ZNF804B: variants seen among roughly 807,000 people sequenced by gnomAD.
The protein encoded by ZNF804B is zinc finger 804B.
A neutral mutation model predicts 101.4 loss-of-function variants in ZNF804B; 80 were observed. The ratio of observed to expected loss-of-function variants is 0.79; its 90% CI spans 0.66 to 0.95. The LOEUF is 0.95. ZNF804B is among the 40% of genes least tolerant of loss of function. The pLI is 0.00. For synonymous variants in ZNF804B, 622 were observed against 558.8 expected, an observed-to-expected ratio of 1.11 and a Z score of -1.59; for missense variants, 1,673 against 1,561.9, an observed-to-expected ratio of 1.07 and a Z score of -1.20.
chr7:88,854,367 C>T (rs1408293589), intron 1 of ZNF804B, among the ~76,000 whole-genome samples: 1 of 151,408 alleles, frequency 6.6e-6, no homozygotes, highest in Non-Finnish European at 1.5e-5. Context: ...TTAAGTACTG[C>T]ATTTTTCTTT....
chr7:89,189,430 G>A (rs114820364), intron 1 of ZNF804B, among the ~76,000 whole-genome samples: 1,633 of 152,172 alleles, frequency 0.011, 29 homozygotes, highest in African/African-American at 0.037. Context: ...GCAGCTGCTC[G>A]GAAGCCTCGA....
chr7:89,197,018 T>C lies in ZNF804B; in HGVS notation c.109-21137T>C, dbSNP rs193143960. On this transcript the variant is annotated intron_variant, in intron 1 of 3. Coordinates refer to ENST00000333190, the MANE Select transcript of ZNF804B (RefSeq NM_181646.5). ...AATAGGAATGCTTTTACACTGTTGG[T>C]GGGAGTGTAAATTAGTTCAACCATT... Among the ~76,000 whole-genome samples the C allele has an allele frequency of 5.4e-3, 774 of 143,330 alleles. 7 individuals carry two copies. The highest frequency in any genetic ancestry group is 0.018 in the African/African-American group (750 of 40,806). The allele number at this position is 143,330 out of a possible 152,430, so 94.0% of individuals were successfully genotyped here.
intron 1 of ZNF804B, among the ~76,000 whole-genome samples, chr7:89,048,073 C>T (rs1054001159): frequency 3.3e-5 from 5 of 151,996 alleles, no homozygotes; most frequent in African/African-American, 1.2e-4. Context: ...GCACACTATT[C>T]GTAGTCTTTT....
intron 1 of ZNF804B, among the ~76,000 whole-genome samples, chr7:89,039,669 G>A (rs934651065): frequency 2.0e-5 from 3 of 150,862 alleles, no homozygotes; most frequent in South Asian, 2.1e-4. Context: ...TTTCTTGTAG[G>A]CACTATCTAG....
At chr7:89,034,315 C>A (rs766257708) in intron 1 of ZNF804B, among the ~76,000 whole-genome samples, 16 of 151,780 alleles carry the variant, frequency 1.1e-4, no homozygotes, top group Non-Finnish European at 2.2e-4. Context: ...ACAGAATGTG[C>A]AGGTTTGTTA....
chr7:89,199,606 C>T (rs1174723938), intron 1 of ZNF804B, among the ~76,000 whole-genome samples: 3 of 151,764 alleles, frequency 2.0e-5, no homozygotes, highest in East Asian at 1.9e-4. Flanking sequence ...TGCTGAGTGC[C>T]CCACACCCAT....
intron 1 of ZNF804B, among the ~76,000 whole-genome samples, chr7:88,957,323 T>C (rs1793325302): frequency 6.6e-6 from 1 of 151,460 alleles, no homozygotes; most frequent in African/African-American, 2.4e-5. Context: ...TGACAACCAT[T>C]GCATTATGAT....
chr7:88,770,605 A>G (rs1455297686), intron 1 of ZNF804B, among the ~76,000 whole-genome samples: 1 of 152,128 alleles, frequency 6.6e-6, no homozygotes, highest in Non-Finnish European at 1.5e-5. Flanking sequence ...ACATGGATGA[A>G]TATTTCCAAT....
At chr7:89,236,673 G>A (rs1789286560) in intron 2 of ZNF804B, among the ~76,000 whole-genome samples, 1 of 152,028 alleles carries the variant, frequency 6.6e-6, no homozygotes, top group African/African-American at 2.4e-5. Context: ...ATGTTTGAGA[G>A]AATAAATTGA....
chr7:88,921,582 A>G (rs1792719722), intron 1 of ZNF804B, among the ~76,000 whole-genome samples: 1 of 152,234 alleles, frequency 6.6e-6, no homozygotes, highest in South Asian at 2.1e-4. Flanking sequence ...CAGAAATCCT[A>G]AACCATGGAC....
intron 1 of ZNF804B, among the ~76,000 whole-genome samples, chr7:88,859,865 A>C (rs1176305041): frequency 6.6e-6 from 1 of 151,948 alleles, no homozygotes; most frequent in Non-Finnish European, 1.5e-5. Flanking sequence ...CAAAAGGATA[A>C]TTCCTGAAAT....
At chr7:88,838,999 C>A (rs1468470521) in intron 1 of ZNF804B, among the ~76,000 whole-genome samples, 1 of 152,022 alleles carries the variant, frequency 6.6e-6, no homozygotes, top group Non-Finnish European at 1.5e-5. Context: ...AGACCTCATA[C>A]AATTACGGTT....
At chr7:89,035,881 T>C (rs1046976293) in intron 1 of ZNF804B, among the ~76,000 whole-genome samples, 5 of 146,096 alleles carry the variant, frequency 3.4e-5, no homozygotes, top group African/African-American at 1.2e-4. Context: ...TATTATATAT[T>C]CATATACATT....
Position 89,275,587 on chromosome 7 carries a change from T to C in ZNF804B, c.250-51757T>C, listed in dbSNP as rs149894591. Among the ~76,000 whole-genome samples the C allele has an allele frequency of 4.6e-5, 7 of 152,048 alleles. 1 individual carries two copies. The East Asian group carries it at 1.4e-3, about 29-fold the overall frequency. On this transcript the variant is annotated intron_variant, in intron 2 of 3. Coordinates refer to ENST00000333190, the MANE Select transcript of ZNF804B (RefSeq NM_181646.5). ...CTTGAACATTCTGGCCACAGATATCTACACAGTTTATTCCCCTCTCTATTT... is the reference window on the plus strand; with the variant it reads ...CTTGAACATTCTGGCCACAGATATCCACACAGTTTATTCCCCTCTCTATTT...
At chr7:89,258,951 A>G (rs915812603) in intron 2 of ZNF804B, among the ~76,000 whole-genome samples, 2 of 152,146 alleles carry the variant, frequency 1.3e-5, no homozygotes, top group South Asian at 4.1e-4. Context: ...CTGTAATTTT[A>G]CAAAAATACA....
At chr7:89,319,394 A>G (rs1219441897) in intron 2 of ZNF804B, among the ~76,000 whole-genome samples, 1 of 152,170 alleles carries the variant, frequency 6.6e-6, no homozygotes, top group Non-Finnish European at 1.5e-5. Flanking sequence ...GAATATTGGC[A>G]TTGTAAAACC....
chr7:89,090,694 A>C (rs1256807849), intron 1 of ZNF804B, among the ~76,000 whole-genome samples: 1 of 152,088 alleles, frequency 6.6e-6, no homozygotes, highest in Non-Finnish European at 1.5e-5. Context: ...AGCCACCAGT[A>C]ATACAAATAC....
At chr7:88,926,936 T>TCGGG (rs1554346815) in intron 1 of ZNF804B, among the ~76,000 whole-genome samples, 2 of 85,488 alleles carry the variant, frequency 2.3e-5, no homozygotes, top group East Asian at 1.4e-3. Flanking sequence ...TGCCGGGTGG[T>TCGGG]GGGGAGCGGG....
chr7:88,780,386 CTTTTT>C (rs34619990), intron 1 of ZNF804B, among the ~76,000 whole-genome samples: 1 of 111,198 alleles, frequency 9.0e-6, no homozygotes, highest in African/African-American at 3.5e-5. Flanking sequence ...ACTTTTTTGT[CTTTTT>C]TTTTTTTTTT....
Sources: gnomAD v4.1 joint callset for allele counts (sites outside exome capture counted in the v4.1 genomes callset) on GRCh38, gnomAD v4.1.1 for gene constraint, MANE v1.5 for transcripts, NCBI Gene and HGNC (gene_info 2026-07-23, HGNC 2026-07-21) for gene names.